The following BOD1 variants were observed in gnomAD, a reference collection of about 807,000 sequenced individuals.
BOD1 encodes the protein biorientation of chromosomes in cell division 1, also known as biorientation of chromosomes in cell division protein 1.
In BOD1, 11 loss-of-function variants were observed where a neutral mutation model predicts 15.7. The ratio of observed to expected loss-of-function variants is 0.70; its 90% CI spans 0.44 to 1.16. The LOEUF (loss-of-function observed/expected upper bound fraction) is 1.16, where lower values mean the gene tolerates loss of function less well. BOD1 is among the 50% of genes most tolerant of loss of function. The probability of loss-of-function intolerance (pLI) is 0.00; values close to 1 mark genes in which losing one functional copy is unlikely to be tolerated. For missense variants in BOD1, 182 were observed against 244.5 expected (o/e 0.74, Z 1.70); for synonymous variants, 105 against 103.5 (o/e 1.01, Z -0.09).
At chr5:173,614,168 T>G (rs1174012089) in intron 1 of BOD1, among the ~76,000 whole-genome samples, 1 of 152,184 alleles carries the variant, frequency 6.6e-6, no homozygotes, top group South Asian at 2.1e-4. Flanking sequence ...CTGGGAGAGT[T>G]TGTTCGTTCA....
Position 173,609,291 on chromosome 5 carries a change from G to T in BOD1, c.506C>A (p.Pro169His). Residue 169 changes from proline to histidine, a missense_variant, in exon 3 of 4, where the codon CCT (proline) becomes CAT (histidine). Physicochemically the swap from Pro to His is moderately conservative, Grantham distance 77. Transcript: ENST00000311086. ...AGGGTCCTGGCCTTCGGGCTCTGGA[G>T]GGGGTGCTGGCACAGCTGCTTTTTT... The part of the protein sequence containing the change: ...AQKKAAVPAP[P>H]PEPEGQDPPA... The T allele has an allele frequency of 6.2e-7, 1 of 1,614,228 alleles. No homozygotes were observed. The highest frequency in any genetic ancestry group is 8.5e-7 in the Non-Finnish European group (1 of 1,180,040).
In BOD1 at chr5:173,616,538, G is replaced by T. The variant is rs945139263; in HGVS notation, c.-102C>A. 14 of 1,416,578 alleles carry T rather than the reference G, an allele frequency of 9.9e-6. No individual in the cohort carries two copies. The highest frequency in any genetic ancestry group is 1.3e-5 in the Non-Finnish European group (14 of 1,094,684). The allele number at this position is 1,416,578 out of a possible 1,614,324, so 87.8% of individuals were successfully genotyped here. On this transcript the variant is annotated 5_prime_UTR_variant, in exon 1 of 4. Coordinates refer to ENST00000311086, the MANE Select transcript of BOD1 (RefSeq NM_138369.3). Reference sequence around the variant, plus strand: ...GGTGAAGGGGGCGGTGAAGGAGGAGGGCCCCAAGGCGGCAGCGGCGGAGGT... The same window carrying T: ...GGTGAAGGGGGCGGTGAAGGAGGAGTGCCCCAAGGCGGCAGCGGCGGAGGT...
intron 1 of BOD1, 52 bp downstream of exon 1, chr5:173,616,148 C>A: frequency 2.6e-6 from 4 of 1,545,932 alleles, no homozygotes; most frequent in Middle Eastern, 1.7e-4. Context: ...AGCTGCCACC[C>A]GGCGGCCTCA....
At chr5:173,614,496 G>C (rs1035832504) in intron 1 of BOD1, among the ~76,000 whole-genome samples, 2 of 152,184 alleles carry the variant, frequency 1.3e-5, no homozygotes, top group African/African-American at 2.4e-5. Flanking sequence ...GTAAATTACA[G>C]TGCAAAGTAA....
chr5:173,611,910 G>T (rs1004965912), intron 2 of BOD1, among the ~76,000 whole-genome samples: 16 of 152,230 alleles, frequency 1.1e-4, no homozygotes, highest in Non-Finnish European at 1.5e-5. Context: ...CTCAAGACAG[G>T]GTAAACACAA....
rs1755234368 is a variant in BOD1 at position 173,607,595 on chromosome 5, G to A, written c.*699C>T. 1.3e-5 allele frequency: 2 copies of A among 152,288 alleles called. No individual in the cohort carries two copies. The highest frequency in any genetic ancestry group is 2.9e-5 in the Non-Finnish European group (2 of 68,026). The allele number at this position is 152,288 out of a possible 1,614,324, so 9.4% of individuals were successfully genotyped here. A position where few individuals can be genotyped will look rare whatever the true frequency, so the allele number is the denominator to read the frequency against. ...TTCACTTTTCTAAAAAAACACAAAT[G>A]TGAGAATAAAATAAACATACCTAAG... On this transcript the variant is annotated 3_prime_UTR_variant, in exon 4 of 4. Coordinates refer to ENST00000311086, the MANE Select transcript of BOD1 (RefSeq NM_138369.3).
At chr5:173,609,177 C>CCATTTTA in intron 3 of BOD1, 61 bp downstream of exon 3, 1 of 1,511,374 alleles carries the variant, frequency 6.6e-7, no homozygotes, top group East Asian at 2.3e-5. Flanking sequence ...CCATTCCTAT[C>CCATTTTA]CATTTTACAT....
chr5:173,610,575 T>C (rs1347569856), intron 2 of BOD1, among the ~76,000 whole-genome samples: 1 of 152,174 alleles, frequency 6.6e-6, no homozygotes, highest in African/African-American at 2.4e-5. Flanking sequence ...CCCTTAGTGA[T>C]GAGCATCGTT....
chr5:173,610,051 T>C (rs258862), intron 2 of BOD1, among the ~76,000 whole-genome samples: 57,135 of 152,080 alleles, frequency 0.38, 11,843 homozygotes, highest in East Asian at 0.72. Context: ...GAGGGCTAAA[T>C]TACATCCCCG....
Position 173,609,329 on chromosome 5 carries a change from G to A in BOD1, c.468C>T (p.Phe156=), listed in dbSNP as rs374565450. The A allele has an allele frequency of 2.5e-6, 4 of 1,614,090 alleles. No individual in the cohort carries two copies. The African/African-American group carries it at 5.3e-5, about 22-fold the overall frequency. ...RPQIERAIHE[F]LAAQKKAAVP... Reference sequence around the variant, plus strand: ...CAGCTGCTTTTTTCTGGGCCGCCAGGAACTCATGAATTGCTCGTTCTATTT... The same window carrying A: ...CAGCTGCTTTTTTCTGGGCCGCCAGAAACTCATGAATTGCTCGTTCTATTT... The change falls in exon 3 of 4, where the codon TTC becomes TTT. Residue 156 remains phenylalanine, a synonymous_variant. Transcript: ENST00000311086.
chr5:173,609,524 G>T, intron 2 of BOD1, 90 bp from the exon 3 acceptor site: 1 of 1,299,816 alleles, frequency 7.7e-7, no homozygotes, highest in Non-Finnish European at 1.1e-6. Context: ...CCCAATAAAT[G>T]TCCACCTTCA....
Position 173,609,582 on chromosome 5 carries a change from T to C in BOD1, c.363-148A>G, listed in dbSNP as rs1296666692. The C allele has an allele frequency of 9.9e-6, 7 of 709,946 alleles. No individual in the cohort carries two copies. In the East Asian group the frequency reaches 1.1e-4, roughly 11 times the overall value. 44.0% of individuals were successfully genotyped at this position (709,946 alleles called of 1,614,324 possible). A position where few individuals can be genotyped will look rare whatever the true frequency, so the allele number is the denominator to read the frequency against. ...TTTAGAGGTCAATCCACTTACCATA[T>C]ACAGCTCACGCTATTTTCACTTTTG... On this transcript the variant is annotated intron_variant, in intron 2 of 3. Coordinates refer to ENST00000311086, the MANE Select transcript of BOD1 (RefSeq NM_138369.3).
intron 2 of BOD1, chr5:173,609,746 G>C (rs1395290461): frequency 1.0e-5 from 3 of 295,756 alleles, no homozygotes; most frequent in East Asian, 7.1e-5. Context: ...TGGTGAGAAA[G>C]AGTTTGACAC....
Position 173,607,685 on chromosome 5 carries a change from T to C in BOD1, c.*609A>G, listed in dbSNP as rs578160994. The C allele has an allele frequency of 2.6e-5, 4 of 152,798 alleles. No individual in the cohort carries two copies. The highest frequency in any genetic ancestry group is 2.1e-4 in the South Asian group (1 of 4,852). 9.5% of individuals were successfully genotyped at this position (152,798 alleles called of 1,614,324 possible). ...GAGAGCCTGCAAACGAGTTTCCTTA[T>C]GCCTAATGTCTGAACTTCTCATACA... is the stretch of plus-strand genomic sequence containing the variant. On this transcript the variant is annotated 3_prime_UTR_variant, in exon 4 of 4. Coordinates refer to ENST00000311086, the MANE Select transcript of BOD1 (RefSeq NM_138369.3).
Position 173,609,277 on chromosome 5 carries a change from C to T in BOD1, c.520G>A (p.Gly174Ser), listed in dbSNP as rs780206385. ...TGAGATGGAGCTGGAGGGTCCTGGC[C>T]TTCGGGCTCTGGAGGGGGTGCTGGC... The part of the protein sequence containing the change: ...AVPAPPPEPE[G>S]QDPPAPSQDT... The change falls in exon 3 of 4, where the codon GGC (glycine) becomes AGC (serine). Residue 174 changes from glycine to serine, a missense_variant. Around this residue, in one of 3 missense-constraint regions of BOD1, gnomAD observed 40 missense variants for 45.3 expected, o/e 0.88. Transcript: ENST00000311086. 6.2e-7 allele frequency: 1 copy of T among 1,614,172 alleles called. No homozygotes were observed. Among genetic ancestry groups the T allele is most frequent in the South Asian group, 1.1e-5 (1 of 91,076 alleles).
At chr5:173,611,102 G>A (rs1351273623) in intron 2 of BOD1, among the ~76,000 whole-genome samples, 1 of 152,194 alleles carries the variant, frequency 6.6e-6, no homozygotes, top group Non-Finnish European at 1.5e-5. Context: ...CCCCTGATCA[G>A]GGGAAACAAA....
In BOD1 at chr5:173,609,473, T is replaced by C. The variant is rs751798100; in HGVS notation, c.363-39A>G. On this transcript the variant is annotated intron_variant, in intron 2 of 3. Coordinates refer to ENST00000311086, the MANE Select transcript of BOD1 (RefSeq NM_138369.3). ...ACAGATCATTCTGTTATTTAGTTCC[T>C]TCGGGATTCATCTTTAGCCCCAATA... The C allele has an allele frequency of 5.0e-6, 8 of 1,603,294 alleles. No homozygotes were observed. In the Admixed American group the frequency reaches 8.4e-5, roughly 17 times the overall value.
chr5:173,609,394 G>A lies in BOD1; in HGVS notation c.403C>T (p.Gln135Ter), dbSNP rs1333583847. 1.2e-6 allele frequency: 2 copies of A among 1,614,226 alleles called. No individual in the cohort carries two copies. The highest frequency in any genetic ancestry group is 1.1e-5 in the South Asian group (1 of 91,086). ...TGGTTAAGTTTTGGATCCACCACCTGAGAAATAATCCTGTCTACTCCAGCT... is the reference window on the plus strand; with the variant it reads ...TGGTTAAGTTTTGGATCCACCACCTAAGAAATAATCCTGTCTACTCCAGCT... ...LEAGVDRIIS[Q>*]VVDPKLNHIF... Residue 135 changes from glutamine (Q) to a stop codon, truncating the protein, a stop_gained, in exon 3 of 4, where the codon CAG becomes TAG. Transcript: ENST00000311086. LOFTEE classifies it high-confidence loss of function.
chr5:173,616,332 GC>G lies in BOD1; in HGVS notation c.104del (p.Gly35AlafsTer51). Reference sequence around the variant, plus strand: ...GCGAGGCCGGGTTGATGGGGCCACCGCCCCCGCTGGCCCCAGTAGCGCCAGT... The same window carrying G: ...GCGAGGCCGGGTTGATGGGGCCACCGCCCCGCTGGCCCCAGTAGCGCCAGT... ...AATGATGASGGGGPINPASLP... is the reference protein window; with the variant it reads ...AATGATGASGXGGPINPASLP... On this transcript the variant is annotated frameshift_variant, in exon 1 of 4. Coordinates refer to ENST00000311086, the MANE Select transcript of BOD1 (RefSeq NM_138369.3). LOFTEE classifies it high-confidence loss of function. The G allele has an allele frequency of 6.5e-7, 1 of 1,529,242 alleles. No individual in the cohort carries two copies. The highest frequency in any genetic ancestry group is 8.7e-7 in the Non-Finnish European group (1 of 1,143,334). The allele number at this position is 1,529,242 out of a possible 1,614,324, so 94.7% of individuals were successfully genotyped here.
Sources: allele counts gnomAD v4.1 joint callset (sites outside exome capture counted in the v4.1 genomes callset), GRCh38; gene constraint gnomAD v4.1.1; regional missense constraint gnomAD v4.1.1; transcripts MANE v1.5; gene names NCBI Gene and HGNC (gene_info 2026-07-23, HGNC 2026-07-21).